CCDC69: variants seen among roughly 807,000 people sequenced by gnomAD.
CCDC69 encodes the protein coiled-coil domain-containing protein 69.
In CCDC69, 38 loss-of-function variants were observed where a neutral mutation model predicts 40.3. The ratio of observed to expected loss-of-function variants is 0.94; its 90% CI spans 0.73 to 1.24. The LOEUF (loss-of-function observed/expected upper bound fraction) is 1.24. Among genes scored for constraint, CCDC69 ranks in the 50% most tolerant of loss-of-function variants. The pLI is 0.00. For synonymous variants in CCDC69, 141 were observed against 138.9 expected, an observed-to-expected ratio of 1.02 and a Z score of -0.11; for missense variants, 389 against 357.9, an observed-to-expected ratio of 1.09 and a Z score of -0.70.
At chr5:151,190,184 A>G (rs116715992) in intron 4 of CCDC69, among the ~76,000 whole-genome samples, 158 of 152,344 alleles carry the variant, frequency 1.0e-3, no homozygotes, top group African/African-American at 3.6e-3. Context: ...CTAAGTAAAT[A>G]CAATAGACTG....
intron 1 of CCDC69, among the ~76,000 whole-genome samples, chr5:151,205,876 G>T (rs1046345988): frequency 2.0e-5 from 3 of 152,106 alleles, no homozygotes; most frequent in African/African-American, 7.2e-5. Context: ...CCCCCAATTC[G>T]GAGATGATTT....
chr5:151,201,525 A>G, intron 3 of CCDC69, 57 bp downstream of exon 3: 1 of 1,192,368 alleles, frequency 8.4e-7, no homozygotes, highest in South Asian at 1.3e-5. Context: ...TCACTCTGGG[A>G]TTCACCAAAG....
intron 1 of CCDC69, among the ~76,000 whole-genome samples, chr5:151,217,952 GGC>G (rs1176207103): frequency 2.0e-5 from 3 of 151,918 alleles, no homozygotes; most frequent in Non-Finnish European, 4.4e-5. Context: ...AGTAGAAAAT[GGC>G]GAGGAAAGCC....
chr5:151,222,775 T>A lies in CCDC69; in HGVS notation c.48+1148A>T, dbSNP rs181701543. 3.2e-4 allele frequency among the ~76,000 whole-genome samples: 48 copies of A among 152,124 alleles called. No homozygotes were observed. The East Asian group carries it at 7.5e-3, about 24-fold the overall frequency. On this transcript the variant is annotated intron_variant, in intron 1 of 8. Transcript: ENST00000355417. ...GTTGGAGTGAGTAAAGACATGAGGGTTTCTAGGTCAGGAGTTGGTGAGAAT... is the reference window on the plus strand; with the variant it reads ...GTTGGAGTGAGTAAAGACATGAGGGATTCTAGGTCAGGAGTTGGTGAGAAT...
rs1467398852 is a variant in CCDC69 at position 151,182,321 on chromosome 5, T to G, written c.*1116A>C. 1 of 152,448 alleles carries G rather than the reference T, an allele frequency of 6.6e-6. No individual in the cohort carries two copies. The highest frequency in any genetic ancestry group is 1.5e-5 in the Non-Finnish European group (1 of 68,282). 9.4% of individuals were successfully genotyped at this position (152,448 alleles called of 1,614,324 possible). ...AGACTATCAGGACTGGACGGCCTGCTGAGGTTAGTTACTCTAGCCACCCCT... is the reference window on the plus strand; with the variant it reads ...AGACTATCAGGACTGGACGGCCTGCGGAGGTTAGTTACTCTAGCCACCCCT... On this transcript the variant is annotated 3_prime_UTR_variant, in exon 9 of 9. Coordinates refer to ENST00000355417, the MANE Select transcript of CCDC69 (RefSeq NM_015621.3).
At chr5:151,196,089 T>C (rs928086220) in intron 4 of CCDC69, among the ~76,000 whole-genome samples, 1 of 152,222 alleles carries the variant, frequency 6.6e-6, no homozygotes, top group Non-Finnish European at 1.5e-5. Flanking sequence ...TTTGATACAA[T>C]GTTAAATGAA....
At chr5:151,210,331 G>A (rs1752915687) in intron 1 of CCDC69, among the ~76,000 whole-genome samples, 1 of 152,054 alleles carries the variant, frequency 6.6e-6, no homozygotes, top group Non-Finnish European at 1.5e-5. Flanking sequence ...ATCATTTGAG[G>A]TCAGGAGTTC....
intron 1 of CCDC69, among the ~76,000 whole-genome samples, chr5:151,216,298 C>T (rs2114003775): frequency 6.6e-6 from 1 of 151,594 alleles, no homozygotes; most frequent in Non-Finnish European, 1.5e-5. Flanking sequence ...GGAAAAAGTA[C>T]CTAGAAAAGC....
chr5:151,223,724 G>A (rs1354346282), intron 1 of CCDC69, among the ~76,000 whole-genome samples, 199 bp downstream of exon 1: 1 of 152,164 alleles, frequency 6.6e-6, no homozygotes, highest in East Asian at 1.9e-4. Context: ...TTGTAAACTC[G>A]GCTGCTTGGT....
rs1217567613 is a variant in CCDC69, at chr5:151,189,413, T to C, written c.320-1954A>G. ...AAGAAAGAGCCAGTGAACTTCAAGA[T>C]AGATCAATAGAAATTATCTGATCTG... On this transcript the variant is annotated intron_variant, in intron 4 of 8. Coordinates refer to ENST00000355417, the MANE Select transcript of CCDC69 (RefSeq NM_015621.3). Among the ~76,000 whole-genome samples the C allele has an allele frequency of 2.0e-5, 3 of 151,762 alleles. No homozygotes were observed. In the South Asian group the frequency reaches 6.2e-4, roughly 31 times the overall value.
At chr5:151,184,238 G>A (rs920516715) in intron 8 of CCDC69, 106 bp downstream of exon 8, 1 of 814,648 alleles carries the variant, frequency 1.2e-6, no homozygotes, top group Non-Finnish European at 2.1e-6. Flanking sequence ...AATAGGCCCT[G>A]GGCCCACCTG....
At chr5:151,189,451 GA>G (rs1347247074) in intron 4 of CCDC69, among the ~76,000 whole-genome samples, 1 of 148,238 alleles carries the variant, frequency 6.7e-6, no homozygotes, top group Non-Finnish European at 1.5e-5. Context: ...CAATAGAGGA[GA>G]AAAAAAGATT....
At position 151,185,462 on chromosome 5, in the gene CCDC69, A is replaced by G. The variant is rs1752488876; in HGVS notation, c.575T>C (p.Ile192Thr). Residue 192 changes from isoleucine (I) to threonine (T), a missense_variant, in exon 7 of 9, where the codon ATT becomes ACT. Coordinates refer to ENST00000355417, the MANE Select transcript of CCDC69 (RefSeq NM_015621.3). ...HFVIEMKNER[I>T]HELDRRLILM... ...GATCAGCCGCCTGTCCAGCTCATGAATACGCTCATTCTTCATCTCGATGAC... is the reference window on the plus strand; with the variant it reads ...GATCAGCCGCCTGTCCAGCTCATGAGTACGCTCATTCTTCATCTCGATGAC... 1.9e-6 allele frequency: 3 copies of G among 1,613,962 alleles called. No homozygotes were observed. The highest frequency in any genetic ancestry group is 2.7e-5 in the African/African-American group (2 of 74,940).
At chr5:151,190,373 T>C (rs1752591178) in intron 4 of CCDC69, among the ~76,000 whole-genome samples, 1 of 152,080 alleles carries the variant, frequency 6.6e-6, no homozygotes, top group Admixed American at 6.5e-5. Flanking sequence ...TGTGGTAAAA[T>C]AGCAATTTCA....
intron 1 of CCDC69, among the ~76,000 whole-genome samples, chr5:151,213,584 AGAGT>A: frequency 6.6e-6 from 1 of 152,290 alleles, no homozygotes; most frequent in Admixed American, 6.5e-5. Context: ...TCACCAGGCA[AGAGT>A]GAATTAGGCA....
In CCDC69 at chr5:151,183,446, G is replaced by A. The variant is rs374122246; in HGVS notation, c.882C>T (p.Leu294=). The A allele has an allele frequency of 1.8e-4, 281 of 1,602,162 alleles. 2 individuals carry two copies. The Middle Eastern group carries it at 0.012, about 66-fold the overall frequency. The change falls in exon 9 of 9, where the codon CTC becomes CTT. Residue 294 remains leucine, a synonymous_variant. Transcript: ENST00000355417. ...APVTPTEVSF[L]AT is the part of the protein sequence containing the mutation. The stretch of plus-strand genomic sequence containing the variant: ...GCCCAGGCCCTGCACCCTATGTGGC[G>A]AGGAAAGAGACCTCAGTGGGAGTGA...
intron 1 of CCDC69, 145 bp from the exon 2 acceptor site, chr5:151,205,620 C>G: frequency 4.4e-6 from 3 of 679,992 alleles, no homozygotes; most frequent in East Asian, 2.6e-5. Context: ...ATTGGGCTGC[C>G]TCGCAGCCCC....
intron 4 of CCDC69, among the ~76,000 whole-genome samples, chr5:151,192,652 G>A (rs937194299): frequency 2.0e-5 from 3 of 152,152 alleles, no homozygotes; most frequent in African/African-American, 7.2e-5. Context: ...AAGATGAGGG[G>A]ACATTACTAC....
Position 151,185,414 on chromosome 5 carries a change from T to G in CCDC69, c.615+8A>C. 6.2e-7 allele frequency: 1 copy of G among 1,613,318 alleles called. No individual in the cohort carries two copies. Among genetic ancestry groups the G allele is most frequent in the Non-Finnish European group, 8.5e-7 (1 of 1,179,554 alleles). ...GGCTGCATCCCCCAGCCACTCCCAG[T>G]CACAGACCACTGTTTCCATGAGGAT... On this transcript the variant is annotated splice_region_variant and intron_variant, in intron 7 of 8. Coordinates refer to ENST00000355417, the MANE Select transcript of CCDC69 (RefSeq NM_015621.3).
Sources: gnomAD v4.1 joint callset for allele counts (sites outside exome capture counted in the v4.1 genomes callset) on GRCh38, gnomAD v4.1.1 for gene constraint, MANE v1.5 for transcripts, NCBI Gene and HGNC (gene_info 2026-07-23, HGNC 2026-07-21) for gene names.